SYCP1: variants seen among roughly 807,000 people sequenced by gnomAD.
SYCP1 encodes cancer/testis antigen 8.
SYCP1 carries 64 observed loss-of-function variants against 153.1 expected under a neutral mutation model. The observed-to-expected ratio is 0.42, with a 90% CI of 0.34 to 0.51. The LOEUF (loss-of-function observed/expected upper bound fraction) is 0.51, where lower values mean the gene tolerates loss of function less well. Ranked by LOEUF, SYCP1 falls within the 20% of genes least tolerant of loss-of-function variation. The pLI, the probability that SYCP1 is intolerant of heterozygous loss-of-function variation, is 0.06. For synonymous variants in SYCP1, 384 were observed against 341.8 expected, an observed-to-expected ratio of 1.12 and a Z score of -1.36; for missense variants, 997 against 1,049.0, an observed-to-expected ratio of 0.95 and a Z score of 0.68.
intron 12 of SYCP1, among the ~76,000 whole-genome samples, chr1:114,882,604 T>G (rs1410817679): frequency 6.6e-6 from 1 of 152,178 alleles, no homozygotes; most frequent in Non-Finnish European, 1.5e-5. Context: ...CTGTCTTGTT[T>G]ATGATAGTTT....
chr1:114,906,766 C>T (rs545124930), intron 16 of SYCP1, among the ~76,000 whole-genome samples: 1 of 152,236 alleles, frequency 6.6e-6, no homozygotes, highest in Admixed American at 6.5e-5. Context: ...TATGATATAT[C>T]TTAGTGAATG....
intron 8 of SYCP1, among the ~76,000 whole-genome samples, chr1:114,862,174 T>C (rs1274376025): frequency 1.3e-5 from 2 of 152,130 alleles, no homozygotes; most frequent in Admixed American, 1.3e-4. Context: ...GAATGTACCA[T>C]ACCACTACCA....
intron 16 of SYCP1, among the ~76,000 whole-genome samples, chr1:114,903,313 T>C (rs1004279493): frequency 2.0e-5 from 3 of 152,206 alleles, no homozygotes; most frequent in Non-Finnish European, 4.4e-5. Context: ...CAATCACTCA[T>C]TGAAATGTAA....
chr1:114,857,166 A>AT, intron 3 of SYCP1, 66 bp from the exon 4 acceptor site: 29 of 1,131,428 alleles, frequency 2.6e-5, no homozygotes, highest in African/African-American at 3.1e-5. Flanking sequence ...AAGAGAAAAA[A>AT]GAAAAAAAAA....
chr1:114,924,962 A>C (rs1407338904), intron 21 of SYCP1, among the ~76,000 whole-genome samples: 1 of 152,190 alleles, frequency 6.6e-6, no homozygotes, highest in Non-Finnish European at 1.5e-5. Context: ...GGCTTACAAT[A>C]GACCAGGTGC....
At chr1:114,880,525 G>A (rs1337440495) in intron 12 of SYCP1, among the ~76,000 whole-genome samples, 5 of 152,154 alleles carry the variant, frequency 3.3e-5, no homozygotes, top group African/African-American at 1.2e-4. Flanking sequence ...TCTGATTCCA[G>A]TTAGAGACTG....
rs200368852 is a variant in SYCP1 at position 114,913,013 on chromosome 1, C to CTT, written c.1530-11_1530-10dup. On this transcript the variant is annotated intron_variant, in intron 18 of 31. Coordinates refer to ENST00000369522, the MANE Select transcript of SYCP1 (RefSeq NM_003176.4). Reference sequence around the variant, plus strand: ...TACATTTGTAAATATTTTGGTATGACTTTTTTTTTTAAAAAATAGGCTTAA... The same window carrying CTT: ...TACATTTGTAAATATTTTGGTATGACTTTTTTTTTTTTAAAAAATAGGCTTAA... The CTT allele has an allele frequency of 4.7e-5, 65 of 1,393,566 alleles. No homozygotes were observed. The African/African-American group carries it at 8.8e-4, about 19-fold the overall frequency. The allele number at this position is 1,393,566 out of a possible 1,614,324, so 86.3% of individuals were successfully genotyped here. A position where few individuals can be genotyped will look rare whatever the true frequency, so the allele number is the denominator to read the frequency against.
In SYCP1 at chr1:114,926,503, T is replaced by G. The variant is rs982089531; in HGVS notation, c.1866T>G (p.Asn622Lys). 31 of 1,585,602 alleles carry G rather than the reference T, an allele frequency of 2.0e-5. No individual in the cohort carries two copies. The highest frequency in any genetic ancestry group is 2.6e-5 in the Non-Finnish European group (30 of 1,166,124). Residue 622 changes from asparagine to lysine, a missense_variant and splice_region_variant, in exon 23 of 32, where the codon AAT becomes AAG. Asn to Lys is a moderately conservative substitution (Grantham distance 94). Coordinates refer to ENST00000369522, the MANE Select transcript of SYCP1 (RefSeq NM_003176.4). ...NKYIEELQQE[N>K]KALKKKGTAE... Reference sequence around the variant, plus strand: ...ATAATTATTTTTAATTTTAACAGAATAAGGCCTTGAAAAAAAAAGGTACAG... The same window carrying G: ...ATAATTATTTTTAATTTTAACAGAAGAAGGCCTTGAAAAAAAAAGGTACAG...
intron 16 of SYCP1, among the ~76,000 whole-genome samples, chr1:114,902,866 TACTC>T (rs1204145464): frequency 6.6e-6 from 1 of 152,142 alleles, no homozygotes; most frequent in Non-Finnish European, 1.5e-5. Context: ...ACAATTCACT[TACTC>T]ATTTAACAAA....
chr1:114,924,072 C>T (rs1669093517), intron 21 of SYCP1, among the ~76,000 whole-genome samples: 1 of 152,086 alleles, frequency 6.6e-6, no homozygotes, highest in Non-Finnish European at 1.5e-5. Flanking sequence ...CTACTATGTG[C>T]CAGGCACTGT....
chr1:114,974,545 T>C (rs956515737), intron 27 of SYCP1, among the ~76,000 whole-genome samples: 22 of 151,832 alleles, frequency 1.4e-4, no homozygotes, highest in African/African-American at 4.6e-4. Context: ...TTGCACATCC[T>C]GTTTCTGATT....
In SYCP1 at chr1:114,869,115, C is replaced by T. The variant is rs1664947354; in HGVS notation, c.599-5391C>T. ...AATTTGCTCTTCTCTTTCTAGTTGC[C>T]TACAGTGGAAACTTAGATGATTGAT... On this transcript the variant is annotated intron_variant, in intron 8 of 31. Transcript: ENST00000369522. Among the ~76,000 whole-genome samples, 3 of 152,168 alleles carry T rather than the reference C, an allele frequency of 2.0e-5. No homozygotes were observed. In the South Asian group the frequency reaches 6.2e-4, roughly 32 times the overall value.
At chr1:114,868,044 G>T (rs1346913808) in intron 8 of SYCP1, among the ~76,000 whole-genome samples, 2 of 151,588 alleles carry the variant, frequency 1.3e-5, no homozygotes, top group Non-Finnish European at 2.9e-5. Context: ...TTATGTGATG[G>T]ATTACAATAA....
chr1:114,923,803 C>G (rs1393429334), intron 21 of SYCP1, among the ~76,000 whole-genome samples: 3 of 151,916 alleles, frequency 2.0e-5, no homozygotes, highest in Non-Finnish European at 4.4e-5. Context: ...AAATAAAAGG[C>G]TCATACTTCA....
chr1:114,980,224 T>C (rs1057083385), intron 28 of SYCP1, among the ~76,000 whole-genome samples: 5 of 151,894 alleles, frequency 3.3e-5, no homozygotes, highest in East Asian at 1.9e-4. Context: ...ATTGCCACGA[T>C]TGTATTCGTG....
At chr1:114,975,601 A>G (rs1219696172) in intron 27 of SYCP1, among the ~76,000 whole-genome samples, 1 of 151,538 alleles carries the variant, frequency 6.6e-6, no homozygotes, top group Non-Finnish European at 1.5e-5. Flanking sequence ...CTCATCTTTT[A>G]TATGCAACTT....
At chr1:114,994,562 C>T (rs1039130477) in intron 30 of SYCP1, 136 bp from the exon 31 acceptor site, 33 of 505,162 alleles carry the variant, frequency 6.5e-5, no homozygotes, top group Non-Finnish European at 8.9e-5. Flanking sequence ...TTTCCTCCTC[C>T]CTTTGCCCTT....
At chr1:114,947,862 T>TC (rs1471925671) in intron 27 of SYCP1, among the ~76,000 whole-genome samples, 1 of 150,114 alleles carries the variant, frequency 6.7e-6, no homozygotes, top group East Asian at 1.9e-4. Context: ...CCCTTTTTTT[T>TC]CTGCAAATAC....
chr1:114,953,071 G>A (rs1345801466), intron 27 of SYCP1, among the ~76,000 whole-genome samples: 1 of 152,128 alleles, frequency 6.6e-6, no homozygotes, highest in African/African-American at 2.4e-5. Context: ...TAACAAGAGG[G>A]CCAAACATGT....
Sources: gnomAD v4.1 joint callset for allele counts (sites outside exome capture counted in the v4.1 genomes callset) on GRCh38, gnomAD v4.1.1 for gene constraint, MANE v1.5 for transcripts, NCBI Gene and HGNC (gene_info 2026-07-23, HGNC 2026-07-21) for gene names.